Variants in HELB observed in about 807,000 individuals in gnomAD.
HELB encodes DNA helicase B.
Under a neutral mutation model 101.7 loss-of-function variants are expected in HELB, and 96 were observed. That is an observed-to-expected ratio of 0.94 (90% CI 0.80 to 1.12). The LOEUF (loss-of-function observed/expected upper bound fraction) is 1.12, where lower values mean the gene tolerates loss of function less well. Among genes scored for constraint, HELB ranks in the 50% most tolerant of loss-of-function variants. HELB has a pLI of 0.00. For missense variants in HELB, 1,210 were observed against 1,291.9 expected (o/e 0.94, Z 0.97); for synonymous variants, 437 against 459.7 (o/e 0.95, Z 0.63).
chr12:66,338,166 G>T lies in HELB; in HGVS notation c.*64G>T, dbSNP rs1055149003. 2.1e-6 allele frequency: 2 copies of T among 955,472 alleles called. No individual in the cohort carries two copies. Among genetic ancestry groups the T allele is most frequent in the Non-Finnish European group, 3.3e-6 (2 of 597,624 alleles). The allele number at this position is 955,472 out of a possible 1,614,324, so 59.2% of individuals were successfully genotyped here. A position where few individuals can be genotyped will look rare whatever the true frequency, so the allele number is the denominator to read the frequency against. ...TTGGAGACAAAATGAACATCGTAAC[G>T]TCAAAGTACCAAGATAAAAAAAGTT... On this transcript the variant is annotated 3_prime_UTR_variant, in exon 13 of 13. Transcript: ENST00000247815.
At position 66,324,057 on chromosome 12, in the gene HELB, T is replaced by C. The variant is rs1324952420; in HGVS notation, c.2372T>C (p.Leu791Ser). Reference sequence around the variant, plus strand: ...ACCAGGAATGCATACCTCTCAGACTTACTACCTGAAAATATCTCTGGAAGT... The same window carrying C: ...ACCAGGAATGCATACCTCTCAGACTCACTACCTGAAAATATCTCTGGAAGT... ...CCTRNAYLSD[L>S]LPENISGSQQ... The change falls in exon 10 of 13, where the codon TTA becomes TCA. Residue 791 changes from leucine to serine, a missense_variant. By Grantham distance (145) the Leu-to-Ser change is moderately radical. This residue lies in a region of HELB where 740 missense variants were observed against 728.8 expected (regional missense o/e 1.02). Coordinates refer to ENST00000247815, the MANE Select transcript of HELB (RefSeq NM_001370285.1). The C allele has an allele frequency of 2.5e-6, 4 of 1,613,754 alleles. No individual in the cohort carries two copies. The South Asian group carries it at 4.4e-5, about 18-fold the overall frequency.
chr12:66,338,075 C>A lies in HELB; in HGVS notation c.3237C>A (p.Phe1079Leu), dbSNP rs775702143. ...ATAATTTAATTCCCAGGCAACTTTTCAAGCCCACCGATAATCAAGAAACTT... is the reference window on the plus strand; with the variant it reads ...ATAATTTAATTCCCAGGCAACTTTTAAAGCCCACCGATAATCAAGAAACTT... ...RLNNLIPRQL[F>L]KPTDNQET is the part of the protein sequence containing the mutation. The change falls in exon 13 of 13, where the codon TTC becomes TTA. Residue 1079 changes from phenylalanine to leucine, a missense_variant. Coordinates refer to ENST00000247815, the MANE Select transcript of HELB (RefSeq NM_001370285.1). The A allele has an allele frequency of 5.0e-6, 8 of 1,589,660 alleles. No homozygotes were observed. Among genetic ancestry groups the A allele is most frequent in the Non-Finnish European group, 6.9e-6 (8 of 1,158,116 alleles).
Position 66,321,102 on chromosome 12 carries a change from T to A in HELB, c.2156-846T>A, listed in dbSNP as rs56753321. On this transcript the variant is annotated intron_variant, in intron 7 of 12. Transcript: ENST00000247815. The stretch of plus-strand genomic sequence containing the variant: ...GAAGGGCTCAGCAGGCAGCTAAGTT[T>A]GTCTTCCCAGAGCAGGGCATCACAA... Among the ~76,000 whole-genome samples, 1,150 of 152,332 alleles carry A rather than the reference T, an allele frequency of 7.5e-3. 23 individuals are homozygous for A. Among genetic ancestry groups the A allele is most frequent in the African/African-American group, 0.027 (1,112 of 41,572 alleles).
At chr12:66,339,725 A>T (rs2053902797), downstream of HELB, 1 of 152,084 alleles carries the variant, frequency 6.6e-6, no homozygotes, top group South Asian at 2.1e-4. Context: ...ACGCCATTGC[A>T]CTCCAGCCCG....
intron 3 of HELB, 101 bp downstream of exon 3, chr12:66,306,615 A>G: frequency 1.5e-6 from 1 of 663,304 alleles, no homozygotes; most frequent in Non-Finnish European, 2.4e-6. Flanking sequence ...ATTTGTGTGG[A>G]CCCCAGTATT....
downstream of HELB, chr12:66,341,863 T>TC (rs1466461787): frequency 1.3e-5 from 2 of 152,248 alleles, no homozygotes; most frequent in African/African-American, 4.8e-5. Flanking sequence ...TCCTTTACCT[T>TC]TTGCCATGAT....
At chr12:66,326,566 T>A (rs2053740545) in intron 11 of HELB, among the ~76,000 whole-genome samples, 1 of 151,714 alleles carries the variant, frequency 6.6e-6, no homozygotes, top group African/African-American at 2.4e-5. Flanking sequence ...TGCAGAAAAA[T>A]TTAGGTCAGC....
Position 66,331,216 on chromosome 12 carries a change from T to C in HELB, c.2733T>C (p.His911=). The part of the protein sequence containing the change: ...VGKAGRQHWQ[H]VYTAVTRGRC... ...AGGCGGGCCGCCAGCACTGGCAGCA[T>C]GTCTACACCGCCGTGACCAGGGGCC... Residue 911 remains histidine, a synonymous_variant, in exon 12 of 13, where the codon CAT becomes CAC. Transcript: ENST00000247815. 2 of 1,613,902 alleles carry C rather than the reference T, an allele frequency of 1.2e-6. No individual in the cohort carries two copies. The highest frequency in any genetic ancestry group is 1.7e-6 in the Non-Finnish European group (2 of 1,179,778).
chr12:66,342,004 T>G (rs1439772262), downstream of HELB: 1 of 152,256 alleles, frequency 6.6e-6, no homozygotes, highest in Non-Finnish European at 1.5e-5. Context: ...TTTTAAATTC[T>G]GATGATGACC....
rs1353626652 is a variant in HELB at position 66,306,355 on chromosome 12, A to C, written c.618A>C (p.Arg206Ser). 5 of 1,587,858 alleles carry C rather than the reference A, an allele frequency of 3.1e-6. No individual in the cohort carries two copies. Among genetic ancestry groups the C allele is most frequent in the Non-Finnish European group, 4.3e-6 (5 of 1,169,996 alleles). Residue 206 changes from arginine to serine, a missense_variant, in exon 3 of 13, where the codon AGA (arginine) becomes AGC (serine). Transcript: ENST00000247815. ...TCTGATATCTTGTAGTTCCATTTAG[A>C]AATGTAATGACAGCTTTGCAGTTTC... is the stretch of plus-strand genomic sequence containing the variant. ...SLPLENTIPF[R>S]NVMTALQFPK...
At chr12:66,312,968 T>G (rs7978354) in intron 4 of HELB, among the ~76,000 whole-genome samples, 107,522 of 152,010 alleles carry the variant, frequency 0.71, 38,529 homozygotes, top group Middle Eastern at 0.83. Flanking sequence ...AGTCATCAAG[T>G]TGCTGATAGA....
chr12:66,314,265 C>A, intron 5 of HELB, 102 bp downstream of exon 5: 2 of 978,416 alleles, frequency 2.0e-6, no homozygotes, highest in Non-Finnish European at 3.1e-6. Context: ...GAATTGATAC[C>A]AAAGCTACAC....
At chr12:66,319,827 C>G (rs747311902) in intron 7 of HELB, among the ~76,000 whole-genome samples, 1 of 151,672 alleles carries the variant, frequency 6.6e-6, no homozygotes, top group Non-Finnish European at 1.5e-5. Context: ...CATGTTACAA[C>G]AATGTATTTA....
intron 3 of HELB, among the ~76,000 whole-genome samples, chr12:66,306,781 G>A (rs1370040986): frequency 2.0e-5 from 3 of 152,026 alleles, no homozygotes; most frequent in Non-Finnish European, 4.4e-5. Flanking sequence ...CAAATTATGG[G>A]TATTAATTTA....
In HELB at chr12:66,331,649, G is replaced by A. The variant is rs922680874; in HGVS notation, c.3162+4G>A. The A allele has an allele frequency of 6.3e-7, 1 of 1,587,902 alleles. No individual in the cohort carries two copies. Among genetic ancestry groups the A allele is most frequent in the Non-Finnish European group, 8.5e-7 (1 of 1,172,816 alleles). ...AAGTCCAAGCAAAATTTTTATGGTA[G>A]GAGTGATGTTTCCATGTTCCCAAGT... On this transcript the variant is annotated splice_donor_region_variant and intron_variant, in intron 12 of 12. Coordinates refer to ENST00000247815, the MANE Select transcript of HELB (RefSeq NM_001370285.1).
intron 11 of HELB, among the ~76,000 whole-genome samples, chr12:66,328,126 G>A (rs2053763506): frequency 1.3e-5 from 2 of 152,264 alleles, no homozygotes; most frequent in South Asian, 4.1e-4. Flanking sequence ...GAGGTAAAGA[G>A]GGCAGGAGGA....
At chr12:66,309,240 G>A (rs1188447435) in intron 3 of HELB, among the ~76,000 whole-genome samples, 1 of 152,126 alleles carries the variant, frequency 6.6e-6, no homozygotes, top group African/African-American at 2.4e-5. Context: ...AGAAACACCT[G>A]TGGAGGTAAT....
chr12:66,324,272 T>C, intron 10 of HELB, 61 bp downstream of exon 10: 1 of 1,128,318 alleles, frequency 8.9e-7, no homozygotes, highest in South Asian at 1.3e-5. Context: ...GTTATTTTAT[T>C]GTCCTAGGAT....
At chr12:66,336,561 T>C (rs1440873062) in intron 12 of HELB, among the ~76,000 whole-genome samples, 2 of 152,214 alleles carry the variant, frequency 1.3e-5, no homozygotes, top group Non-Finnish European at 2.9e-5. Context: ...GAGAAAGTGC[T>C]GGTGTAACCT....
Sources: allele counts gnomAD v4.1 joint callset (sites outside exome capture counted in the v4.1 genomes callset), GRCh38; gene constraint gnomAD v4.1.1; regional missense constraint gnomAD v4.1.1; transcripts MANE v1.5; gene names NCBI Gene and HGNC (gene_info 2026-07-23, HGNC 2026-07-21).